Variants in DEPDC5 observed in about 807,000 individuals in gnomAD.
DEPDC5 encodes DEP domain containing 5, GATOR1 subcomplex subunit, also known as GATOR1 complex protein DEPDC5.
Under a neutral mutation model 217.3 loss-of-function variants are expected in DEPDC5, and 73 were observed. The observed-to-expected ratio is 0.34, with a 90% confidence interval of 0.28 to 0.41. The LOEUF (loss-of-function observed/expected upper bound fraction) is 0.41. DEPDC5 is among the 10% of genes least tolerant of loss of function. The pLI is 1.00. For missense variants in DEPDC5, 1,675 were observed against 2,070.1 expected, an observed-to-expected ratio of 0.81 and a Z score of 3.70; for synonymous variants, 733 against 756.7, an observed-to-expected ratio of 0.97 and a Z score of 0.51.
rs748965468 is a variant in DEPDC5, at chr22:31,893,626, G to A, written c.4078G>A (p.Val1360Met). 1.9e-5 allele frequency: 31 copies of A among 1,613,062 alleles called. No individual in the cohort carries two copies. The highest frequency in any genetic ancestry group is 5.5e-5 in the South Asian group (5 of 90,962). ...EQRTVTLDVD[V>M]NNRTDRLEWC... ...GAGGACTGTGACCCTGGATGTTGACGTGAACAACCGCACAGACCGGCTGGA... is the reference window on the plus strand; with the variant it reads ...GAGGACTGTGACCCTGGATGTTGACATGAACAACCGCACAGACCGGCTGGA... Residue 1360 changes from valine to methionine, a missense_variant, in exon 39 of 43, where the codon GTG (valine) becomes ATG (methionine). Physicochemically the swap from Val to Met is conservative, Grantham distance 21 (BLOSUM62 1). Coordinates refer to ENST00000651528, the MANE Select transcript of DEPDC5 (RefSeq NM_001242896.3).
chr22:31,837,329 A>G, intron 26 of DEPDC5, 174 bp downstream of exon 26: 2 of 655,688 alleles, frequency 3.1e-6, no homozygotes, highest in South Asian at 2.4e-5. Flanking sequence ...AAAACATTGA[A>G]TTGTATTTTA....
At chr22:31,774,221 G>C (rs960326784) in intron 7 of DEPDC5, among the ~76,000 whole-genome samples, 3 of 89,306 alleles carry the variant, frequency 3.4e-5, no homozygotes, top group African/African-American at 1.3e-4. Flanking sequence ...TTTTTTTTTT[G>C]AGACGAGTCT....
chr22:31,846,730 G>A, intron 30 of DEPDC5, 104 bp from the exon 31 acceptor site: 1 of 1,533,516 alleles, frequency 6.5e-7, no homozygotes, highest in Non-Finnish European at 8.9e-7. Context: ...CCCTGTCCAT[G>A]GGATTCCCGG....
At chr22:31,790,995 C>A (rs2085569387) in intron 10 of DEPDC5, among the ~76,000 whole-genome samples, 1 of 152,062 alleles carries the variant, frequency 6.6e-6, no homozygotes, top group Non-Finnish European at 1.5e-5. Flanking sequence ...GATCCACCCG[C>A]CTCAGCCTCC....
At chr22:31,787,299 G>T (rs2085104044) in intron 10 of DEPDC5, among the ~76,000 whole-genome samples, 2 of 152,016 alleles carry the variant, frequency 1.3e-5, no homozygotes, top group South Asian at 4.1e-4. Context: ...TGCCCAGGCT[G>T]GTCTCAAACC....
chr22:31,873,516 TG>T (rs2092907105), intron 35 of DEPDC5, among the ~76,000 whole-genome samples, 184 bp downstream of exon 35: 1 of 151,926 alleles, frequency 6.6e-6, no homozygotes. Flanking sequence ...AATTGTTTTT[TG>T]TTTTTTTTTT....
chr22:31,760,161 G>A (rs912266995), intron 3 of DEPDC5, among the ~76,000 whole-genome samples: 7 of 151,394 alleles, frequency 4.6e-5, no homozygotes, highest in Non-Finnish European at 1.0e-4. Context: ...TCCACCTCCC[G>A]GGTTCACGCC....
At chr22:31,889,784 C>T (rs542277870) in intron 38 of DEPDC5, among the ~76,000 whole-genome samples, 4 of 152,044 alleles carry the variant, frequency 2.6e-5, no homozygotes, top group African/African-American at 4.8e-5. Context: ...GTGATCCACC[C>T]GCCTCGGCCT....
intron 24 of DEPDC5, among the ~76,000 whole-genome samples, chr22:31,831,839 TG>T (rs1158391199): frequency 6.6e-6 from 1 of 152,180 alleles, no homozygotes; most frequent in East Asian, 1.9e-4. Flanking sequence ...TTTTGACAAA[TG>T]CATAGAGTTG....
chr22:31,832,164 C>T (rs574769584), intron 24 of DEPDC5, among the ~76,000 whole-genome samples: 121 of 152,332 alleles, frequency 7.9e-4, no homozygotes, highest in African/African-American at 2.8e-3. Flanking sequence ...TTTGTTTATC[C>T]TTCCCCCAGT....
rs138247012 is a variant in DEPDC5, at chr22:31,885,452, G to A, written c.4033+5700G>A. On this transcript the variant is annotated intron_variant, in intron 38 of 42. Coordinates refer to ENST00000651528, the MANE Select transcript of DEPDC5 (RefSeq NM_001242896.3). ...TCCAAAAATCATGTGTGGGCTGGGC[G>A]CGGTGGCTCACGCCTGTAATCCCAG... Among the ~76,000 whole-genome samples, 289 of 152,252 alleles carry A rather than the reference G, an allele frequency of 1.9e-3. 2 individuals are homozygous for A. Among genetic ancestry groups the A allele is most frequent in the African/African-American group, 6.6e-3 (273 of 41,532 alleles).
chr22:31,757,057 C>T (rs533552408), intron 2 of DEPDC5: 149 of 151,558 alleles, frequency 9.8e-4, no homozygotes, highest in African/African-American at 3.5e-3. Context: ...GTAAGATAGA[C>T]ATGCAAAAAG....
At chr22:31,776,214 C>T (rs942980253) in intron 7 of DEPDC5, among the ~76,000 whole-genome samples, 2 of 151,670 alleles carry the variant, frequency 1.3e-5, no homozygotes, top group Admixed American at 6.6e-5. Context: ...GAGGCCCAAG[C>T]GATCCTCCTA....
intron 33 of DEPDC5, among the ~76,000 whole-genome samples, chr22:31,868,362 A>G (rs2092745530): frequency 6.6e-6 from 1 of 151,926 alleles, no homozygotes. Context: ...CCCCACAGCA[A>G]ACAGTTATCT....
intron 40 of DEPDC5, among the ~76,000 whole-genome samples, chr22:31,901,291 G>A (rs2093644489): frequency 1.3e-5 from 2 of 151,992 alleles, no homozygotes; most frequent in South Asian, 4.2e-4. Flanking sequence ...CATGTCTGTG[G>A]TCCTAGCTAC....
At chr22:31,785,081 A>C in intron 10 of DEPDC5, 1 of 491,182 alleles carries the variant, frequency 2.0e-6, no homozygotes, top group Non-Finnish European at 3.6e-6. Context: ...AAAAGACTGA[A>C]AACTTTCCCC....
intron 20 of DEPDC5, chr22:31,814,772 G>A (rs2088868277): frequency 1.7e-6 from 1 of 573,156 alleles, no homozygotes; most frequent in African/African-American, 1.9e-5. Flanking sequence ...ATGATCCTAG[G>A]ACTTTGGCTG....
chr22:31,810,719 G>C, intron 20 of DEPDC5, 78 bp downstream of exon 20: 1 of 1,557,402 alleles, frequency 6.4e-7, no homozygotes, highest in Non-Finnish European at 8.7e-7. Context: ...ACCTCTAAGA[G>C]AGCAACCTTG....
At chr22:31,901,832 G>A (rs759500834) in intron 41 of DEPDC5, 30 bp downstream of exon 41, 2 of 1,604,298 alleles carry the variant, frequency 1.2e-6, no homozygotes, top group East Asian at 4.5e-5. Context: ...TGAAGAGTGG[G>A]AAGGAAATCA....
Sources: gnomAD v4.1 joint callset for allele counts (sites outside exome capture counted in the v4.1 genomes callset) on GRCh38, gnomAD v4.1.1 for gene constraint, MANE v1.5 for transcripts, NCBI Gene and HGNC (gene_info 2026-07-23, HGNC 2026-07-21) for gene names.